GUF1: variants seen among roughly 807,000 people sequenced by gnomAD.
GUF1 encodes the protein GTP binding elongation factor GUF1, also known as translation factor GUF1, mitochondrial.
GUF1 carries 78 observed loss-of-function variants against 82.4 expected under a neutral mutation model. That is an observed-to-expected ratio of 0.95 (90% CI 0.79 to 1.14). The LOEUF is 1.14. Ranked by LOEUF, GUF1 falls within the 50% of genes most tolerant of loss-of-function variation. The probability of loss-of-function intolerance (pLI) is 0.00; values close to 1 mark genes in which losing one functional copy is unlikely to be tolerated. For synonymous variants in GUF1, 279 were observed against 282.3 expected (o/e 0.99, Z 0.12); for missense variants, 814 against 798.2 (o/e 1.02, Z -0.24).
intron 3 of GUF1, 96 bp downstream of exon 3, chr4:44,680,938 C>CTT: frequency 8.4e-7 from 1 of 1,190,172 alleles, no homozygotes; most frequent in East Asian, 2.4e-5. Context: ...GAGTATTAAA[C>CTT]ATCTGCCTTT....
intron 8 of GUF1, among the ~76,000 whole-genome samples, chr4:44,687,137 G>A (rs374439981): frequency 1.1e-4 from 16 of 151,908 alleles, no homozygotes; most frequent in South Asian, 4.1e-4. Context: ...AAAATTCTTG[G>A]GGAGTAGGAT....
At chr4:44,691,375 T>G (rs1715432471) in intron 12 of GUF1, among the ~76,000 whole-genome samples, 1 of 150,756 alleles carries the variant, frequency 6.6e-6, no homozygotes, top group African/African-American at 2.5e-5. Context: ...GTCTTAACTT[T>G]TAATTTCTCT....
At chr4:44,683,765 A>G (rs1046552513) in intron 6 of GUF1, among the ~76,000 whole-genome samples, 2 of 152,076 alleles carry the variant, frequency 1.3e-5, no homozygotes, top group Non-Finnish European at 2.9e-5. Flanking sequence ...GTGCTAGGAA[A>G]CAATAGATTT....
chr4:44,692,379 C>T (rs374845400), intron 13 of GUF1, among the ~76,000 whole-genome samples: 2 of 151,802 alleles, frequency 1.3e-5, no homozygotes, highest in African/African-American at 4.8e-5. Context: ...ATAAGAAACT[C>T]AGGGCATAGC....
rs562619645 is a variant in GUF1, at chr4:44,698,408, A to G, written c.1873-136A>G. The G allele has an allele frequency of 9.5e-6, 6 of 630,826 alleles. No homozygotes were observed. The South Asian group carries it at 1.5e-4, about 16-fold the overall frequency. 39.1% of individuals were successfully genotyped at this position (630,826 alleles called of 1,614,324 possible). ...AGAAGACAGTAAAATTAGATCTGCT[A>G]GGAAGATTAGAGAGATGTCTGCCTT... On this transcript the variant is annotated intron_variant, in intron 16 of 16. Transcript: ENST00000281543.
At chr4:44,693,004 A>G (rs928414322) in intron 13 of GUF1, among the ~76,000 whole-genome samples, 1 of 152,046 alleles carries the variant, frequency 6.6e-6, no homozygotes, top group Non-Finnish European at 1.5e-5. Context: ...GAATTTAATG[A>G]GAGAACATGA....
At chr4:44,679,075 A>C (rs960257043) in intron 1 of GUF1, among the ~76,000 whole-genome samples, 1 of 152,328 alleles carries the variant, frequency 6.6e-6, no homozygotes, top group Admixed American at 6.5e-5. Context: ...TTATTCATCT[A>C]TTTAATTCTA....
In GUF1 at chr4:44,700,743, T is replaced by A. The variant is rs1716190218; in HGVS notation, c.*2062T>A. On this transcript the variant is annotated 3_prime_UTR_variant, in exon 17 of 17. Coordinates refer to ENST00000281543, the MANE Select transcript of GUF1 (RefSeq NM_021927.3). ...TTGTGAAATCATTTTAATTATAAAT[T>A]AAGTGGAGATTTACTTAAAATCATG... is the stretch of plus-strand genomic sequence containing the variant. The A allele has an allele frequency of 6.6e-6, 1 of 152,184 alleles. No homozygotes were observed. The highest frequency in any genetic ancestry group is 6.5e-5 in the Admixed American group (1 of 15,276). 9.4% of individuals were successfully genotyped at this position (152,184 alleles called of 1,614,324 possible). A position where few individuals can be genotyped will look rare whatever the true frequency, so the allele number is the denominator to read the frequency against.
intron 1 of GUF1, among the ~76,000 whole-genome samples, 181 bp downstream of exon 1, chr4:44,678,968 T>A (rs1001188109): frequency 6.6e-6 from 1 of 152,262 alleles, no homozygotes; most frequent in African/African-American, 2.4e-5. Context: ...TCCTCACTAG[T>A]GTGACCTTGG....
chr4:44,689,920 TAAC>T lies in GUF1; in HGVS notation c.1284_1286del (p.Thr429del), dbSNP rs758138995. ...CAAGAATATAATGCTTCTGTTATTT[TAAC>T]AACCCCTACTGTTCCATATAAAGCT... On this transcript the variant is annotated inframe_deletion, in exon 11 of 17. Coordinates refer to ENST00000281543, the MANE Select transcript of GUF1 (RefSeq NM_021927.3). The T allele has an allele frequency of 2.5e-6, 4 of 1,608,966 alleles. No individual in the cohort carries two copies. Among genetic ancestry groups the T allele is most frequent in the African/African-American group, 1.3e-5 (1 of 74,858 alleles).
rs1716028422 is a variant in GUF1, at chr4:44,698,857, C to T, written c.*176C>T. On this transcript the variant is annotated 3_prime_UTR_variant, in exon 17 of 17. Transcript: ENST00000281543. ...AGCTTAGATTTTGAAGCCATGTTGC[C>T]TGTTCTCAAATATCTGTTCCAACCA... 2 of 573,576 alleles carry T rather than the reference C, an allele frequency of 3.5e-6. No homozygotes were observed. Among genetic ancestry groups the T allele is most frequent in the African/African-American group, 3.8e-5 (2 of 52,344 alleles). The allele number at this position is 573,576 out of a possible 1,614,324, so 35.5% of individuals were successfully genotyped here. A position where few individuals can be genotyped will look rare whatever the true frequency, so the allele number is the denominator to read the frequency against.
chr4:44,685,815 T>C (rs1715012393), intron 6 of GUF1, 144 bp from the exon 7 acceptor site: 2 of 570,100 alleles, frequency 3.5e-6, no homozygotes, highest in East Asian at 6.0e-5. Flanking sequence ...TACTGTTTGC[T>C]TTGTTCTTTT....
intron 10 of GUF1, 88 bp from the exon 11 acceptor site, chr4:44,689,755 C>T: frequency 1.8e-6 from 2 of 1,091,918 alleles, no homozygotes; most frequent in Non-Finnish European, 2.5e-6. Flanking sequence ...TCCATCCCTC[C>T]CTTAAAGTAA....
In GUF1 at chr4:44,685,965, G is replaced by C; in HGVS notation, c.676G>C (p.Ala226Pro). Residue 226 changes from alanine (A) to proline (P), a missense_variant, in exon 7 of 17, where the codon GCT becomes CCT. Coordinates refer to ENST00000281543, the MANE Select transcript of GUF1 (RefSeq NM_021927.3). ...IPSDECIKISAKLGTNVESVL... is the reference protein window; with the variant it reads ...IPSDECIKISPKLGTNVESVL... ...TTCACATGTATCTTTTTAGATTTCT[G>C]CTAAACTTGGAACAAATGTTGAGAG... 6.3e-7 allele frequency: 1 copy of C among 1,597,708 alleles called. No individual in the cohort carries two copies. The highest frequency in any genetic ancestry group is 8.6e-7 in the Non-Finnish European group (1 of 1,166,954).
chr4:44,682,989 TCTG>T (rs1227452386), intron 5 of GUF1, among the ~76,000 whole-genome samples: 1 of 152,030 alleles, frequency 6.6e-6, no homozygotes, highest in African/African-American at 2.4e-5. Flanking sequence ...ACTGATCTCT[TCTG>T]CTGCCCTGGG....
chr4:44,698,080 A>C (rs529292149), intron 16 of GUF1, among the ~76,000 whole-genome samples: 2 of 152,308 alleles, frequency 1.3e-5, no homozygotes, highest in African/African-American at 4.8e-5. Flanking sequence ...CAGGAGGCGG[A>C]GGTTACAGTG....
At chr4:44,686,341 A>T (rs907631400) in intron 7 of GUF1, among the ~76,000 whole-genome samples, 169 bp from the exon 8 acceptor site, 1 of 152,042 alleles carries the variant, frequency 6.6e-6, no homozygotes, top group African/African-American at 2.4e-5. Context: ...AATTTGTTAA[A>T]ACTAGAGGTT....
chr4:44,695,131 A>G (rs1715720453), intron 14 of GUF1, among the ~76,000 whole-genome samples: 1 of 152,286 alleles, frequency 6.6e-6, no homozygotes, highest in Admixed American at 6.5e-5. Flanking sequence ...ATAAAAAGGA[A>G]AACCCCCACG....
In GUF1 at chr4:44,698,562, C is replaced by T. The variant is rs200501808; in HGVS notation, c.1891C>T (p.Arg631Ter). 4.1e-5 allele frequency: 66 copies of T among 1,595,656 alleles called. No individual in the cohort carries two copies. In the South Asian group the frequency reaches 6.1e-4, roughly 15 times the overall value. Residue 631 changes from arginine to a stop codon, truncating the protein, a stop_gained, in exon 17 of 17, where the codon CGA (arginine) becomes TGA (stop). Transcript: ENST00000281543. LOFTEE classifies it high-confidence loss of function. ...TTTTCAGTATGGTGGTGATATTACC[C>T]GAAAAATGAAGCTTTTGAAGAGACA... The part of the protein sequence containing the change: ...LAKCYGGDIT[R>*]KMKLLKRQAE...
Sources: allele counts gnomAD v4.1 joint callset (sites outside exome capture counted in the v4.1 genomes callset), GRCh38; gene constraint gnomAD v4.1.1; transcripts MANE v1.5; gene names NCBI Gene and HGNC (gene_info 2026-07-23, HGNC 2026-07-21).